RABGAP1L: variants seen among roughly 807,000 people sequenced by gnomAD.
The protein encoded by RABGAP1L is RAB GTPase activating protein 1 like.
A neutral mutation model predicts 137.7 loss-of-function variants in RABGAP1L; 63 were observed. The observed-to-expected ratio is 0.46, with a 90% CI of 0.37 to 0.56. RABGAP1L has a LOEUF of 0.56. Among genes scored for constraint, RABGAP1L ranks in the 20% least tolerant of loss-of-function variants. The probability of loss-of-function intolerance (pLI) is 0.00; values close to 1 mark genes in which losing one functional copy is unlikely to be tolerated. For synonymous variants in RABGAP1L, 431 were observed against 433.7 expected (o/e 0.99, Z 0.08); for missense variants, 1,095 against 1,244.0 (o/e 0.88, Z 1.80).
chr1:174,238,544 G>C (rs930118380), intron 4 of RABGAP1L, among the ~76,000 whole-genome samples: 3 of 152,052 alleles, frequency 2.0e-5, no homozygotes, highest in African/African-American at 7.3e-5. Flanking sequence ...GTGTCAGTGT[G>C]CCTCTGCTGG....
At chr1:174,961,807 C>T (rs949063776) in intron 20 of RABGAP1L, among the ~76,000 whole-genome samples, 2 of 141,138 alleles carry the variant, frequency 1.4e-5, no homozygotes, top group Admixed American at 7.4e-5. Flanking sequence ...GATCATGCCA[C>T]TGCACTCCAG....
intron 1 of RABGAP1L, among the ~76,000 whole-genome samples, chr1:174,172,216 G>GTGTA (rs1491151406): frequency 5.9e-4 from 76 of 128,006 alleles, no homozygotes; most frequent in Middle Eastern, 7.9e-3. Flanking sequence ...GTGTGTGTGT[G>GTGTA]TATATATGCC....
intron 18 of RABGAP1L, among the ~76,000 whole-genome samples, chr1:174,803,651 T>C (rs1309400491): frequency 6.6e-6 from 1 of 151,450 alleles, no homozygotes; most frequent in Non-Finnish European, 1.5e-5. Flanking sequence ...GAATCAAACA[T>C]AGAATCTGCT....
chr1:174,830,610 G>A (rs1692016096), intron 19 of RABGAP1L, among the ~76,000 whole-genome samples: 2 of 147,080 alleles, frequency 1.4e-5, no homozygotes, highest in Admixed American at 6.8e-5. Context: ...CCAACTAGCT[G>A]GGACTACAGG....
chr1:174,559,549 T>C (rs937984983), intron 13 of RABGAP1L, among the ~76,000 whole-genome samples: 1 of 152,208 alleles, frequency 6.6e-6, no homozygotes, highest in Non-Finnish European at 1.5e-5. Flanking sequence ...TTTTAAAATA[T>C]TTTAAATTTC....
At chr1:174,501,345 C>A (rs753807842) in intron 13 of RABGAP1L, among the ~76,000 whole-genome samples, 88 of 151,936 alleles carry the variant, frequency 5.8e-4, no homozygotes, top group Non-Finnish European at 2.4e-4. Flanking sequence ...TCCTGAGTAG[C>A]TGGGACTACA....
At chr1:174,292,879 C>A (rs769257121) in intron 10 of RABGAP1L, among the ~76,000 whole-genome samples, 1 of 152,162 alleles carries the variant, frequency 6.6e-6, no homozygotes, top group African/African-American at 2.4e-5. Flanking sequence ...TAGTTTACTA[C>A]ATACCATACC....
chr1:174,259,162 T>C (rs895159596), intron 7 of RABGAP1L, among the ~76,000 whole-genome samples: 7 of 151,664 alleles, frequency 4.6e-5, no homozygotes, highest in South Asian at 2.1e-4. Flanking sequence ...GGTTTAAGGG[T>C]TGTTTATATC....
chr1:174,629,832 T>C (rs16847268), intron 13 of RABGAP1L, among the ~76,000 whole-genome samples: 2,612 of 152,302 alleles, frequency 0.017, 67 homozygotes, highest in African/African-American at 0.06. Flanking sequence ...CCAGGAAATT[T>C]TATTAAGTAA....
intron 13 of RABGAP1L, among the ~76,000 whole-genome samples, chr1:174,628,565 C>G (rs1186801306): frequency 6.6e-6 from 1 of 151,928 alleles, no homozygotes; most frequent in Non-Finnish European, 1.5e-5. Context: ...TATTATCATC[C>G]CATTTTACAC....
At chr1:174,750,663 C>G (rs1684277198) in intron 17 of RABGAP1L, among the ~76,000 whole-genome samples, 1 of 152,100 alleles carries the variant, frequency 6.6e-6, no homozygotes, top group African/African-American at 2.4e-5. Flanking sequence ...GAGTAGCAAA[C>G]TAGCTTAGGA....
At chr1:174,548,587 A>C in intron 13 of RABGAP1L, 6 of 970,994 alleles carry the variant, frequency 6.2e-6, no homozygotes, top group Non-Finnish European at 7.3e-6. Context: ...TACTTTTTTC[A>C]TACCCACAGA....
At chr1:174,319,496 G>A (rs1034816226) in intron 11 of RABGAP1L, among the ~76,000 whole-genome samples, 1 of 152,046 alleles carries the variant, frequency 6.6e-6, no homozygotes, top group Non-Finnish European at 1.5e-5. Context: ...AATAAAGACA[G>A]TTTTATTTCT....
intron 3 of RABGAP1L, among the ~76,000 whole-genome samples, chr1:174,222,463 C>T (rs1373646385): frequency 2.0e-5 from 3 of 152,168 alleles, no homozygotes; most frequent in African/African-American, 4.8e-5. Context: ...AAAAATCTTT[C>T]AGTGTGGTTT....
intron 19 of RABGAP1L, among the ~76,000 whole-genome samples, chr1:174,822,209 G>A (rs114962427): frequency 0.044 from 6,689 of 152,270 alleles, 502 homozygotes; most frequent in African/African-American, 0.15. Context: ...TGTGGTGAGC[G>A]GAGATTGCAC....
In RABGAP1L at chr1:174,307,414, G is replaced by A. The variant is rs920979188; in HGVS notation, c.1465+2287G>A. On this transcript the variant is annotated intron_variant, in intron 11 of 25. Coordinates refer to ENST00000681986, the MANE Select transcript of RABGAP1L (RefSeq NM_001366446.1). ...CTCTATCTAGTTCTTAAACATTTTC[G>A]TCATCCAAGAGGAAATATTATACCT... Among the ~76,000 whole-genome samples, 8 of 151,958 alleles carry A rather than the reference G, an allele frequency of 5.3e-5. No individual in the cohort carries two copies. In the East Asian group the frequency reaches 5.8e-4, roughly 11 times the overall value.
chr1:174,384,510 A>T (rs1686569030), intron 12 of RABGAP1L, among the ~76,000 whole-genome samples: 1 of 28,030 alleles, frequency 3.6e-5, no homozygotes, highest in East Asian at 1.9e-3. Flanking sequence ...CACTAAACCA[A>T]AAAAAAGGAA....
chr1:174,875,357 C>G (rs1381276367), intron 19 of RABGAP1L, among the ~76,000 whole-genome samples: 1 of 152,082 alleles, frequency 6.6e-6, no homozygotes, highest in Non-Finnish European at 1.5e-5. Flanking sequence ...TTCTTCGTAA[C>G]CAAGAAGATT....
At chr1:174,242,750 G>T (rs1454045852) in intron 5 of RABGAP1L, among the ~76,000 whole-genome samples, 2 of 152,110 alleles carry the variant, frequency 1.3e-5, no homozygotes, top group African/African-American at 4.8e-5. Context: ...TTGAAGTTTT[G>T]TGTTTTGTTT....
Sources: allele counts gnomAD v4.1 joint callset (sites outside exome capture counted in the v4.1 genomes callset), GRCh38; gene constraint gnomAD v4.1.1; transcripts MANE v1.5; gene names NCBI Gene and HGNC (gene_info 2026-07-23, HGNC 2026-07-21).